CACNA1C: variants seen among roughly 807,000 people sequenced by gnomAD.
CACNA1C encodes the protein calcium voltage-gated channel subunit alpha1 C, also known as voltage-dependent L-type calcium channel subunit alpha-1C.
Under a neutral mutation model 229.0 loss-of-function variants are expected in CACNA1C, and 30 were observed. The ratio of observed to expected loss-of-function variants is 0.13; its 90% CI spans 0.10 to 0.18. The LOEUF (loss-of-function observed/expected upper bound fraction) is 0.18, where lower values mean the gene tolerates loss of function less well. CACNA1C is among the 10% of genes least tolerant of loss of function. The probability of loss-of-function intolerance (pLI) is 1.00; values close to 1 mark genes in which losing one functional copy is unlikely to be tolerated. For synonymous variants in CACNA1C, 1,114 were observed against 1,132.5 expected, an observed-to-expected ratio of 0.98 and a Z score of 0.33; for missense variants, 1,658 against 2,845.0, an observed-to-expected ratio of 0.58 and a Z score of 9.49.
intron 3 of CACNA1C, among the ~76,000 whole-genome samples, chr12:2,380,023 T>C (rs1039894902): frequency 1.7e-5 from 1 of 60,472 alleles, no homozygotes. Context: ...AGAGCGAGAC[T>C]CCGTCTCAAA....
chr12:2,610,966 C>T (rs1568781483), intron 28 of CACNA1C, among the ~76,000 whole-genome samples: 1 of 150,182 alleles, frequency 6.7e-6, no homozygotes, highest in Non-Finnish European at 1.5e-5. Flanking sequence ...GTTGGTTGAT[C>T]AATGGAGAGA....
chr12:2,681,628 C>T (rs1357210801), intron 42 of CACNA1C, among the ~76,000 whole-genome samples: 2 of 152,192 alleles, frequency 1.3e-5, no homozygotes, highest in Non-Finnish European at 2.9e-5. Context: ...ACCTCCCTCC[C>T]CTCCCAGTCC....
At chr12:2,051,486 T>C (rs989295291), upstream of CACNA1C, among the ~76,000 whole-genome samples, 3 of 152,114 alleles carry the variant, frequency 2.0e-5, no homozygotes, top group African/African-American at 7.2e-5. Flanking sequence ...ACTGCTGTAT[T>C]GAGAAAATAC....
At chr12:2,413,893 G>A (rs2098835993) in intron 3 of CACNA1C, among the ~76,000 whole-genome samples, 1 of 152,144 alleles carries the variant, frequency 6.6e-6, no homozygotes, top group Non-Finnish European at 1.5e-5. Flanking sequence ...TCTTTGTTAG[G>A]GAACAGGAGT....
intron 1 of CACNA1C, among the ~76,000 whole-genome samples, chr12:2,039,424 T>A (rs578036244): frequency 6.6e-6 from 1 of 152,318 alleles, no homozygotes; most frequent in Non-Finnish European, 1.5e-5. Flanking sequence ...TAGCAATATA[T>A]TTTTTGGATT....
In CACNA1C at chr12:2,233,699, A is replaced by G. The variant is rs2066204095; in HGVS notation, c.477+113269A>G. Among the ~76,000 whole-genome samples the G allele has an allele frequency of 2.0e-5, 3 of 152,294 alleles. No individual in the cohort carries two copies. In the South Asian group the frequency reaches 6.2e-4, roughly 32 times the overall value. On this transcript the variant is annotated intron_variant, in intron 3 of 46. Coordinates refer to ENST00000399655, the MANE Select transcript of CACNA1C (RefSeq NM_000719.7). ...ACTTCTTCAGATGCAAGGAGGCTGAAGATATATACTTTGACTTGATAAGAC... is the reference window on the plus strand; with the variant it reads ...ACTTCTTCAGATGCAAGGAGGCTGAGGATATATACTTTGACTTGATAAGAC...
intron 13 of CACNA1C, among the ~76,000 whole-genome samples, chr12:2,579,464 C>G (rs1393115310): frequency 6.6e-6 from 1 of 152,064 alleles, no homozygotes; most frequent in Non-Finnish European, 1.5e-5. Context: ...ACCCCAGCCC[C>G]AGAGTCAGCC....
chr12:2,188,326 T>C (rs900852425), intron 3 of CACNA1C, among the ~76,000 whole-genome samples: 2 of 150,344 alleles, frequency 1.3e-5, no homozygotes, highest in Non-Finnish European at 2.9e-5. Context: ...AAATTATTCA[T>C]TTTAGTCTTG....
chr12:1,993,627 G>GGTGGGTGTGTGT (rs2040052559), intron 1 of CACNA1C, among the ~76,000 whole-genome samples: 1 of 146,584 alleles, frequency 6.8e-6, no homozygotes, highest in Non-Finnish European at 1.5e-5. Flanking sequence ...CTTCATTTGT[G>GGTGGGTGTGTGT]GTGTGTGTGT....
At chr12:2,513,794 C>G (rs1324383888) in intron 9 of CACNA1C, among the ~76,000 whole-genome samples, 1 of 152,170 alleles carries the variant, frequency 6.6e-6, no homozygotes, top group Non-Finnish European at 1.5e-5. Context: ...GGGCCCCACT[C>G]CAGATCTATT....
chr12:2,221,008 T>A (rs2061334075), intron 3 of CACNA1C, among the ~76,000 whole-genome samples: 1 of 152,144 alleles, frequency 6.6e-6, no homozygotes, highest in Non-Finnish European at 1.5e-5. Flanking sequence ...GGGGGTTACT[T>A]TAAGCTGTTG....
chr12:2,123,423 G>A (rs1482523756), intron 3 of CACNA1C, among the ~76,000 whole-genome samples: 1 of 151,526 alleles, frequency 6.6e-6, no homozygotes, highest in African/African-American at 2.4e-5. Context: ...TTAGTCTGAG[G>A]TTATTTAGTC....
chr12:2,601,712 C>T lies in CACNA1C; in HGVS notation c.2854-142C>T, dbSNP rs1444403830. 1.5e-6 allele frequency: 1 copy of T among 675,414 alleles called. No individual in the cohort carries two copies. The highest frequency in any genetic ancestry group is 2.1e-5 in the Admixed American group (1 of 47,512). 41.8% of individuals were successfully genotyped at this position (675,414 alleles called of 1,614,324 possible). A position where few individuals can be genotyped will look rare whatever the true frequency, so the allele number is the denominator to read the frequency against. On this transcript the variant is annotated intron_variant, in intron 21 of 46. Transcript: ENST00000399655. This position sits in a 1 kb window ranked among gnomAD's most constrained non-coding sequence, Gnocchi z 5.9. ...CAGAACTCTTTTCTTGGCACCATAG[C>T]GCCGTCTTTGTCCTTCCTGTTCCCC...
chr12:2,542,730 C>T (rs908422023), intron 9 of CACNA1C, among the ~76,000 whole-genome samples: 1 of 152,042 alleles, frequency 6.6e-6, no homozygotes, highest in African/African-American at 2.4e-5. Flanking sequence ...CAAAGCAGGT[C>T]GGGGGAGACA....
intron 3 of CACNA1C, among the ~76,000 whole-genome samples, chr12:2,306,924 G>A (rs866639044): frequency 2.6e-5 from 4 of 152,284 alleles, no homozygotes; most frequent in South Asian, 2.1e-4. Context: ...AACTAGTAGC[G>A]TCCATTGGCT....
In CACNA1C at chr12:2,518,840, A is replaced by G. The variant is rs1183691856; in HGVS notation, c.1390+5856A>G. ...AAGTGAGAGCAGATCCTTAAGGCAG[A>G]GCCTGGAAGTAGCTCCTGGGCCTTC... On this transcript the variant is annotated intron_variant, in intron 9 of 46. Coordinates refer to ENST00000399655, the MANE Select transcript of CACNA1C (RefSeq NM_000719.7). Among the ~76,000 whole-genome samples, 4 of 152,218 alleles carry G rather than the reference A, an allele frequency of 2.6e-5. No individual in the cohort carries two copies. The East Asian group carries it at 7.7e-4, about 29-fold the overall frequency.
rs761203338 is a variant in CACNA1C at position 2,633,756 on chromosome 12, CTCCTCTGCCTCG to C, written c.3829-538_3829-527del. The C allele has an allele frequency of 1.0e-6, 1 of 983,288 alleles. No individual in the cohort carries two copies. The highest frequency in any genetic ancestry group is 1.6e-6 in the Non-Finnish European group (1 of 608,334). The allele number at this position is 983,288 out of a possible 1,614,324, so 60.9% of individuals were successfully genotyped here. A position where few individuals can be genotyped will look rare whatever the true frequency, so the allele number is the denominator to read the frequency against. The stretch of plus-strand genomic sequence containing the variant: ...TCCCCAGGAAACCTCCTCATTCCTC[CTCCTCTGCCTCG>C]TCTATTTCTCTCTCTCTCACTCTCT... On this transcript the variant is annotated intron_variant, in intron 29 of 46. Transcript: ENST00000399655. This position sits in a 1 kb window ranked among gnomAD's most constrained non-coding sequence, Gnocchi z 5.8.
intron 9 of CACNA1C, chr12:2,547,485 G>A: frequency 1.3e-6 from 1 of 779,728 alleles, no homozygotes; most frequent in Non-Finnish European, 2.4e-6. Context: ...TCAGAAGAAA[G>A]GGAAGTTTGC....
intron 1 of CACNA1C, among the ~76,000 whole-genome samples, chr12:2,033,493 T>G (rs1455839839): frequency 6.6e-6 from 1 of 152,152 alleles, no homozygotes; most frequent in Non-Finnish European, 1.5e-5. Context: ...GAGCTTCATC[T>G]CCACTCCTCT....
Sources: gnomAD v4.1 joint callset for allele counts (sites outside exome capture counted in the v4.1 genomes callset) on GRCh38, gnomAD v4.1.1 for gene constraint, Gnocchi (gnomAD v3.1) non-coding constraint, MANE v1.5 for transcripts, NCBI Gene and HGNC (gene_info 2026-07-23, HGNC 2026-07-21) for gene names.